The following WWOX variants were observed in gnomAD, a reference collection of about 807,000 sequenced individuals.
WWOX encodes the protein WW domain-containing oxidoreductase.
A neutral mutation model predicts 46.2 loss-of-function variants in WWOX; 69 were observed. The ratio of observed to expected loss-of-function variants is 1.49; its 90% CI spans 1.23 to 1.82. WWOX has a LOEUF of 1.82. Among genes scored for constraint, WWOX ranks in the 40% most tolerant of loss-of-function variants. The probability of loss-of-function intolerance (pLI) is 0.00; values close to 1 mark genes in which losing one functional copy is unlikely to be tolerated. For missense variants in WWOX, 919 were observed against 542.6 expected, an observed-to-expected ratio of 1.69 and a Z score of -6.89; for synonymous variants, 359 against 202.6, an observed-to-expected ratio of 1.77 and a Z score of -6.56.
chr16:78,610,775 A>G (rs1296175017), intron 8 of WWOX, among the ~76,000 whole-genome samples: 1 of 152,168 alleles, frequency 6.6e-6, no homozygotes, highest in East Asian at 1.9e-4. Flanking sequence ...CTGATATTAT[A>G]AAATCTGGAG....
At chr16:78,308,136 G>T (rs2080167910) in intron 5 of WWOX, among the ~76,000 whole-genome samples, 1 of 152,096 alleles carries the variant, frequency 6.6e-6, no homozygotes, top group Non-Finnish European at 1.5e-5. Flanking sequence ...TTGGAAATAG[G>T]CAGTGCAGTG....
At chr16:78,778,550 C>T (rs1045168233) in intron 8 of WWOX, among the ~76,000 whole-genome samples, 8 of 152,164 alleles carry the variant, frequency 5.3e-5, no homozygotes, top group African/African-American at 1.7e-4. Context: ...GTGTTCCAAG[C>T]TTCTCAGAAG....
At chr16:79,076,273 GTAAAAGA>G (rs1304041882) in intron 8 of WWOX, among the ~76,000 whole-genome samples, 2 of 152,202 alleles carry the variant, frequency 1.3e-5, no homozygotes, top group Admixed American at 1.3e-4. Flanking sequence ...AGAAATCTAA[GTAAAAGA>G]ATCACTTTTT....
intron 5 of WWOX, among the ~76,000 whole-genome samples, chr16:78,302,859 C>T (rs2080064973): frequency 6.6e-6 from 1 of 152,202 alleles, no homozygotes; most frequent in Non-Finnish European, 1.5e-5. Flanking sequence ...GGCTCCAAAC[C>T]TTTGGCTTTG....
chr16:78,116,388 G>C (rs2032790963), intron 4 of WWOX, among the ~76,000 whole-genome samples: 1 of 152,132 alleles, frequency 6.6e-6, no homozygotes, highest in African/African-American at 2.4e-5. Context: ...GTCAATTATT[G>C]TGTTGTACAA....
intron 6 of WWOX, among the ~76,000 whole-genome samples, chr16:78,409,348 C>G (rs1290729288): frequency 1.3e-5 from 2 of 152,144 alleles, no homozygotes; most frequent in African/African-American, 4.8e-5. Context: ...CCCAAATGTC[C>G]TCTGTGCCTT....
At position 78,646,626 on chromosome 16, in the gene WWOX, C is replaced by G. The variant is rs114875261; in HGVS notation, c.1056+213874C>G. On this transcript the variant is annotated intron_variant, in intron 8 of 8. Transcript: ENST00000566780. ...TCTTTTTAGTAGAGACTAGGTTTCA[C>G]CATGTTGGCCAAGCTGATCTCAAAC... Among the ~76,000 whole-genome samples the G allele has an allele frequency of 2.6e-5, 4 of 152,228 alleles. No homozygotes were observed. In the South Asian group the frequency reaches 8.3e-4, roughly 32 times the overall value.
intron 8 of WWOX, among the ~76,000 whole-genome samples, chr16:79,034,071 G>C (rs1366582136): frequency 6.6e-6 from 1 of 152,224 alleles, no homozygotes; most frequent in Non-Finnish European, 1.5e-5. Context: ...CACGTGGTCT[G>C]TGTGGGCTGG....
rs115061905 is a variant in WWOX, at chr16:78,502,965, G to C, written c.1056+70213G>C. On this transcript the variant is annotated intron_variant, in intron 8 of 8. Transcript: ENST00000566780. Reference sequence around the variant, plus strand: ...ATGAGATGCTGTCTAAGAAAGGAAGGTGCTGCGATCTTTGATTACTACACA... The same window carrying C: ...ATGAGATGCTGTCTAAGAAAGGAAGCTGCTGCGATCTTTGATTACTACACA... Among the ~76,000 whole-genome samples, 521 of 152,290 alleles carry C rather than the reference G, an allele frequency of 3.4e-3. 3 individuals carry two copies. The highest frequency in any genetic ancestry group is 0.011 in the African/African-American group (473 of 41,546).
At chr16:78,407,208 A>G (rs971575853) in intron 6 of WWOX, among the ~76,000 whole-genome samples, 2 of 152,198 alleles carry the variant, frequency 1.3e-5, no homozygotes, top group South Asian at 4.1e-4. Context: ...GAACACCAGC[A>G]AAGACTAAGA....
At chr16:78,951,670 T>C (rs77914851) in intron 8 of WWOX, among the ~76,000 whole-genome samples, 26,905 of 152,072 alleles carry the variant, frequency 0.18, 2,882 homozygotes, top group African/African-American at 0.3. Flanking sequence ...TCATTGCCAG[T>C]GGAATTCAGG....
intron 8 of WWOX, among the ~76,000 whole-genome samples, chr16:78,473,156 G>T (rs1212281108): frequency 1.3e-5 from 2 of 152,208 alleles, no homozygotes; most frequent in African/African-American, 4.8e-5. Context: ...TTGAGACCGA[G>T]TCTCACTCTG....
At chr16:78,633,851 C>G (rs183229400) in intron 8 of WWOX, among the ~76,000 whole-genome samples, 3 of 151,722 alleles carry the variant, frequency 2.0e-5, no homozygotes, top group African/African-American at 2.4e-5. Flanking sequence ...CCTTCCCACT[C>G]ACATGTAGGT....
chr16:78,691,694 C>A (rs1046260443), intron 8 of WWOX, among the ~76,000 whole-genome samples: 4 of 152,104 alleles, frequency 2.6e-5, no homozygotes, highest in Non-Finnish European at 5.9e-5. Flanking sequence ...GGCAACAGGA[C>A]AAGACCGTGT....
rs573538825 is a variant in WWOX at position 78,372,791 on chromosome 16, C to T, written c.517-14069C>T. Among the ~76,000 whole-genome samples, 6 of 152,176 alleles carry T rather than the reference C, an allele frequency of 3.9e-5. No individual in the cohort carries two copies. The South Asian group carries it at 1.3e-3, about 32-fold the overall frequency. ...TTCCCATTAATTCATGAGTAGTGGC[C>T]ACACCAGTCTTTCCTAGACTTGAAT... On this transcript the variant is annotated intron_variant, in intron 5 of 8. Transcript: ENST00000566780.
chr16:79,104,451 G>A (rs1042378600), intron 8 of WWOX, among the ~76,000 whole-genome samples: 8 of 152,024 alleles, frequency 5.3e-5, no homozygotes, highest in South Asian at 2.1e-4. Flanking sequence ...CCATTCATCC[G>A]TCTATCATAT....
chr16:78,616,474 A>G (rs908925420), intron 8 of WWOX, among the ~76,000 whole-genome samples: 2 of 149,984 alleles, frequency 1.3e-5, no homozygotes, highest in African/African-American at 4.9e-5. Flanking sequence ...TTAAAAGGGC[A>G]CTAATGGCCA....
chr16:79,002,433 G>C (rs2047112094), intron 8 of WWOX, among the ~76,000 whole-genome samples: 1 of 151,908 alleles, frequency 6.6e-6, no homozygotes, highest in Non-Finnish European at 1.5e-5. Flanking sequence ...CATGTTGCCA[G>C]GCTGCTCTCG....
At chr16:78,313,892 A>G (rs1188967036) in intron 5 of WWOX, among the ~76,000 whole-genome samples, 1 of 152,114 alleles carries the variant, frequency 6.6e-6, no homozygotes, top group Non-Finnish European at 1.5e-5. Flanking sequence ...TCAGATTGGA[A>G]TTGTCCAGTC....
Sources: gnomAD v4.1 joint callset for allele counts (sites outside exome capture counted in the v4.1 genomes callset) on GRCh38, gnomAD v4.1.1 for gene constraint, MANE v1.5 for transcripts, NCBI Gene and HGNC (gene_info 2026-07-23, HGNC 2026-07-21) for gene names.